Variants in TYRO3 observed in about 807,000 individuals in gnomAD.
TYRO3 encodes TYRO3 protein tyrosine kinase, also known as tyrosine-protein kinase receptor TYRO3.
A neutral mutation model predicts 95.2 loss-of-function variants in TYRO3; 38 were observed. That is an observed-to-expected ratio of 0.40 (90% confidence interval 0.31 to 0.52). TYRO3 has a LOEUF of 0.52. TYRO3 is among the 20% of genes least tolerant of loss of function. TYRO3 has a pLI of 0.56. For missense variants in TYRO3, 812 were observed against 1,116.4 expected, an observed-to-expected ratio of 0.73 and a Z score of 3.89; for synonymous variants, 367 against 432.9, an observed-to-expected ratio of 0.85 and a Z score of 1.89.
chr15:41,573,828 G>T lies in TYRO3; in HGVS notation c.2282+13G>T. 1 of 1,612,162 alleles carries T rather than the reference G, an allele frequency of 6.2e-7. No homozygotes were observed. Among genetic ancestry groups the T allele is most frequent in the Non-Finnish European group, 8.5e-7 (1 of 1,178,782 alleles). ...GTATGGAGGACGTGTGAGTATCCTGGGAAGGGGGCTCTGGAAGGAAAGGGG... is the reference window on the plus strand; with the variant it reads ...GTATGGAGGACGTGTGAGTATCCTGTGAAGGGGGCTCTGGAAGGAAAGGGG... On this transcript the variant is annotated intron_variant, in intron 18 of 18. Coordinates refer to ENST00000263798, the MANE Select transcript of TYRO3 (RefSeq NM_006293.4).
rs79538155 is a variant in TYRO3 at position 41,561,320 on chromosome 15, T to C, written c.308+10T>C. 2 of 1,122,194 alleles carry C rather than the reference T, an allele frequency of 1.8e-6. No individual in the cohort carries two copies. The highest frequency in any genetic ancestry group is 1.3e-6 in the Non-Finnish European group (1 of 791,114). 69.5% of individuals were successfully genotyped at this position (1,122,194 alleles called of 1,614,324 possible). A position where few individuals can be genotyped will look rare whatever the true frequency, so the allele number is the denominator to read the frequency against. Reference sequence around the variant, plus strand: ...GGATCGGCTTCCTCAGGTGCAGGCCTGTGGGGGAAGGTGTGGGCTGCCAGC... The same window carrying C: ...GGATCGGCTTCCTCAGGTGCAGGCCCGTGGGGGAAGGTGTGGGCTGCCAGC... On this transcript the variant is annotated intron_variant, in intron 2 of 18. Coordinates refer to ENST00000263798, the MANE Select transcript of TYRO3 (RefSeq NM_006293.4).
chr15:41,564,138 A>T (rs763708051), intron 4 of TYRO3, 46 bp from the exon 5 acceptor site: 2 of 1,552,104 alleles, frequency 1.3e-6, no homozygotes, highest in South Asian at 1.1e-5. Flanking sequence ...TCCCGCACTG[A>T]GTGGGGTTGC....
At chr15:41,569,672 T>C (rs1162680841) in intron 9 of TYRO3, among the ~76,000 whole-genome samples, 1 of 149,242 alleles carries the variant, frequency 6.7e-6, no homozygotes, top group Non-Finnish European at 1.5e-5. Context: ...GAGGCTGAAG[T>C]GGAAGGATTG....
intron 5 of TYRO3, 65 bp downstream of exon 5, chr15:41,564,335 AG>A (rs918584631): frequency 4.7e-6 from 7 of 1,504,834 alleles, no homozygotes; most frequent in Admixed American, 1.7e-5. Flanking sequence ...GCTGTCCAGC[AG>A]TTAGAATCAT....
Position 41,568,282 on chromosome 15 carries a change from G to A in TYRO3, c.1027G>A (p.Glu343Lys), listed in dbSNP as rs142466939. The A allele has an allele frequency of 3.1e-6, 5 of 1,613,680 alleles. No homozygotes were observed. In the African/African-American group the frequency reaches 4.0e-5, roughly 13 times the overall value. ...AGATTCAGGCCTCATCTTGGAGTGG[G>A]AAGAAGTGATCCCCGAGGCCCCTTT... ...RTDSGLILEW[E>K]EVIPEAPLEG... The change falls in exon 8 of 19, where the codon GAA becomes AAA. Residue 343 changes from glutamate (E) to lysine (K), a missense_variant. Physicochemically the swap from Glu to Lys is moderately conservative, Grantham distance 56. Coordinates refer to ENST00000263798, the MANE Select transcript of TYRO3 (RefSeq NM_006293.4).
intron 5 of TYRO3, 159 bp from the exon 6 acceptor site, chr15:41,564,867 G>T: frequency 1.6e-6 from 1 of 617,240 alleles, no homozygotes; most frequent in Non-Finnish European, 3.0e-6. Flanking sequence ...CCTACTGGTT[G>T]CTTATTTGTG....
chr15:41,566,616 G>T (rs1432656083), intron 6 of TYRO3, among the ~76,000 whole-genome samples: 1 of 152,218 alleles, frequency 6.6e-6, no homozygotes, highest in Non-Finnish European at 1.5e-5. Context: ...TGAGGGGGAT[G>T]GGAATGGAGC....
rs754914658 is a variant in TYRO3 at position 41,578,109 on chromosome 15, G to A, written c.2506G>A (p.Gly836Ser). The change falls in exon 19 of 19, where the codon GGC (glycine) becomes AGC (serine). Residue 836 changes from glycine to serine, a missense_variant. Gly to Ser is a moderately conservative substitution (Grantham distance 56, BLOSUM62 0). Coordinates refer to ENST00000263798, the MANE Select transcript of TYRO3 (RefSeq NM_006293.4). The stretch of plus-strand genomic sequence containing the variant: ...CTACAGTGGGGCTGGGGATGGCAGT[G>A]GCATGGGGGCAGTGGGTGGCACTCC... Reference protein sequence around the residue: ...QPYSGAGDGSGMGAVGGTPSD... With the variant: ...QPYSGAGDGSSMGAVGGTPSD... 2 of 1,613,992 alleles carry A rather than the reference G, an allele frequency of 1.2e-6. No individual in the cohort carries two copies. Among genetic ancestry groups the A allele is most frequent in the Non-Finnish European group, 1.7e-6 (2 of 1,180,022 alleles).
At chr15:41,570,475 G>T (rs1837349827) in intron 11 of TYRO3, 129 bp from the exon 12 acceptor site, 1 of 1,377,106 alleles carries the variant, frequency 7.3e-7, no homozygotes, top group Non-Finnish European at 1.0e-6. Flanking sequence ...CCTGTGTGGA[G>T]TTCACCACCC....
chr15:41,561,517 G>A, intron 2 of TYRO3, 22 bp from the exon 3 acceptor site: 1 of 1,140,306 alleles, frequency 8.8e-7, no homozygotes, highest in Non-Finnish European at 1.2e-6. Flanking sequence ...TCGGAAGCAA[G>A]CCTCGTATCC....
At chr15:41,565,997 G>C (rs1014186854) in intron 6 of TYRO3, among the ~76,000 whole-genome samples, 5 of 152,242 alleles carry the variant, frequency 3.3e-5, no homozygotes, top group African/African-American at 9.6e-5. Context: ...AGGGGCCCCT[G>C]CTCTGGGCTC....
intron 13 of TYRO3, 57 bp downstream of exon 13, chr15:41,571,175 C>A (rs2140830377): frequency 6.5e-7 from 1 of 1,544,774 alleles, no homozygotes; most frequent in Admixed American, 1.7e-5. Flanking sequence ...AGAGGGGCGA[C>A]TGACCCTGAA....
At chr15:41,576,804 G>C (rs1272390522) in intron 18 of TYRO3, among the ~76,000 whole-genome samples, 2 of 148,244 alleles carry the variant, frequency 1.3e-5, no homozygotes, top group Non-Finnish European at 3.0e-5. Context: ...TGGGATTACA[G>C]GTACTTACCA....
At chr15:41,571,264 T>A (rs1450638776) in intron 13 of TYRO3, 146 bp downstream of exon 13, 4 of 755,948 alleles carry the variant, frequency 5.3e-6, no homozygotes, top group Non-Finnish European at 9.1e-6. Flanking sequence ...ACACGAATAA[T>A]TCACAAGCAT....
chr15:41,573,835 G>C lies in TYRO3; in HGVS notation c.2282+20G>C, dbSNP rs973403192. On this transcript the variant is annotated intron_variant, in intron 18 of 18. Transcript: ENST00000263798. ...GGACGTGTGAGTATCCTGGGAAGGG[G>C]GCTCTGGAAGGAAAGGGGAATCTGG... 1 of 998,780 alleles carries C rather than the reference G, an allele frequency of 1.0e-6. No homozygotes were observed. Among genetic ancestry groups the C allele is most frequent in the Non-Finnish European group, 1.5e-6 (1 of 680,332 alleles). 61.9% of individuals were successfully genotyped at this position (998,780 alleles called of 1,614,324 possible). A position where few individuals can be genotyped will look rare whatever the true frequency, so the allele number is the denominator to read the frequency against.
In TYRO3 at chr15:41,567,500, C is replaced by G. The variant is rs1385159112; in HGVS notation, c.924C>G (p.Pro308=). 2 of 1,593,556 alleles carry G rather than the reference C, an allele frequency of 1.3e-6. No homozygotes were observed. Among genetic ancestry groups the G allele is most frequent in the Non-Finnish European group, 8.5e-7 (1 of 1,172,520 alleles). The part of the protein sequence containing the change: ...VRCANALGPS[P]YADWVPFQTK... ...GTGCCAATGCCTTGGGGCCCTCTCC[C>G]TATGCTGACTGGGTGCCCTTTCAGA... The change falls in exon 7 of 19, where the codon CCC becomes CCG. Residue 308 remains proline, a synonymous_variant. Transcript: ENST00000263798.
rs531511983 is a variant in TYRO3 at position 41,560,228 on chromosome 15, T to C, written c.124+847T>C. Among the ~76,000 whole-genome samples the C allele has an allele frequency of 1.7e-3, 264 of 152,244 alleles. 3 individuals are homozygous for C. The highest frequency in any genetic ancestry group is 0.017 in the Middle Eastern group (5 of 294). ...GAAGGGAAACGGGGTGACGAGTATT[T>C]ACAAGCCGAAAGGTGCGGACCTGAT... On this transcript the variant is annotated intron_variant, in intron 1 of 18. Coordinates refer to ENST00000263798, the MANE Select transcript of TYRO3 (RefSeq NM_006293.4).
rs377617822 is a variant in TYRO3 at position 41,562,394 on chromosome 15, C to G, written c.410-154C>G. The G allele has an allele frequency of 5.7e-5, 33 of 574,608 alleles. No homozygotes were observed. In the South Asian group the frequency reaches 1.2e-3, roughly 20 times the overall value. The allele number at this position is 574,608 out of a possible 1,614,324, so 35.6% of individuals were successfully genotyped here. A position where few individuals can be genotyped will look rare whatever the true frequency, so the allele number is the denominator to read the frequency against. On this transcript the variant is annotated intron_variant, in intron 3 of 18. Coordinates refer to ENST00000263798, the MANE Select transcript of TYRO3 (RefSeq NM_006293.4). ...TGAAAAAGAGAAGCACCGCCTACCT[C>G]TCAAGCTAGATGCCTGTTCTGCTGT...
chr15:41,567,632 G>A lies in TYRO3; in HGVS notation c.961+95G>A, dbSNP rs2055741093. ...TCTGAATGGTGCTGGTAGAGATGGAGGTTCAGGCATCATTCGGCAAACATT... is the reference window on the plus strand; with the variant it reads ...TCTGAATGGTGCTGGTAGAGATGGAAGTTCAGGCATCATTCGGCAAACATT... On this transcript the variant is annotated intron_variant, in intron 7 of 18. Transcript: ENST00000263798. 6.8e-6 allele frequency: 8 copies of A among 1,180,070 alleles called. No homozygotes were observed. In the South Asian group the frequency reaches 1.7e-4, roughly 26 times the overall value. The allele number at this position is 1,180,070 out of a possible 1,614,324, so 73.1% of individuals were successfully genotyped here. A position where few individuals can be genotyped will look rare whatever the true frequency, so the allele number is the denominator to read the frequency against.
Sources: gnomAD v4.1 joint callset for allele counts (sites outside exome capture counted in the v4.1 genomes callset) on GRCh38, gnomAD v4.1.1 for gene constraint, MANE v1.5 for transcripts, NCBI Gene and HGNC (gene_info 2026-07-23, HGNC 2026-07-21) for gene names.